Variants in RO60 observed in about 807,000 individuals in gnomAD.
The protein encoded by RO60 is Ro60, Y RNA binding protein.
Under a neutral mutation model 55.3 loss-of-function variants are expected in RO60, and 20 were observed. The ratio of observed to expected loss-of-function variants is 0.36; its 90% CI spans 0.25 to 0.53. RO60 has a LOEUF of 0.53. Ranked by LOEUF, RO60 falls within the 20% of genes least tolerant of loss-of-function variation. RO60 has a pLI of 0.92. For missense variants in RO60, 558 were observed against 646.6 expected (o/e 0.86, Z 1.49); for synonymous variants, 213 against 213.6 (o/e 1.00, Z 0.02).
chr1:193,077,155 G>T, intron 5 of RO60, 105 bp downstream of exon 5: 1 of 1,161,664 alleles, frequency 8.6e-7, no homozygotes, highest in Non-Finnish European at 1.2e-6. Context: ...TTTTTAATTA[G>T]GTATTCATTT....
chr1:193,062,146 T>G (rs754115455), intron 1 of RO60, among the ~76,000 whole-genome samples: 7 of 152,182 alleles, frequency 4.6e-5, no homozygotes, highest in Non-Finnish European at 1.0e-4. Context: ...TAACTATATC[T>G]TTTTGTTGTT....
intron 1 of RO60, among the ~76,000 whole-genome samples, chr1:193,067,487 A>G (rs1673196952): frequency 1.3e-5 from 2 of 151,770 alleles, no homozygotes; most frequent in African/African-American, 4.8e-5. Context: ...GCCCGGCCCA[A>G]ATTTTTTTTT....
chr1:193,065,936 C>T (rs1162362391), intron 1 of RO60, among the ~76,000 whole-genome samples: 1 of 152,138 alleles, frequency 6.6e-6, no homozygotes, highest in Admixed American at 6.5e-5. Flanking sequence ...TCTTCATTCT[C>T]CCATGCACTT....
intron 2 of RO60, among the ~76,000 whole-genome samples, chr1:193,074,088 AG>A (rs1157365376): frequency 2.0e-5 from 3 of 152,198 alleles, no homozygotes; most frequent in Non-Finnish European, 4.4e-5. Context: ...ATGGCTGCAT[AG>A]TATTCCATGG....
At chr1:193,079,263 A>G (rs1157534656) in intron 5 of RO60, among the ~76,000 whole-genome samples, 1 of 151,682 alleles carries the variant, frequency 6.6e-6, no homozygotes, top group Non-Finnish European at 1.5e-5. Flanking sequence ...AATTTATTCC[A>G]TTTTTAGTAG....
intron 1 of RO60, among the ~76,000 whole-genome samples, chr1:193,061,707 G>A (rs1462645493): frequency 1.3e-5 from 2 of 152,218 alleles, no homozygotes; most frequent in East Asian, 1.9e-4. Flanking sequence ...ATGCTTGGCC[G>A]GGCACCGTGG....
rs1409958494 is a variant in RO60 at position 193,069,210 on chromosome 1, G to C, written c.156G>C (p.Lys52Asn). 2 of 1,614,230 alleles carry C rather than the reference G, an allele frequency of 1.2e-6. No individual in the cohort carries two copies. The highest frequency in any genetic ancestry group is 1.7e-5 in the Admixed American group (1 of 60,028). The change falls in exon 2 of 9, where the codon AAG becomes AAC. Residue 52 changes from lysine to asparagine, a missense_variant. Coordinates refer to ENST00000400968, the MANE Select transcript of RO60 (RefSeq NM_001173524.2). ...EGGTYYIKEQ[K>N]LGLENAEALI... is the part of the protein sequence containing the mutation. ...GGACTTATTATATCAAAGAACAGAAGTTGGGCCTTGAAAATGCTGAAGCTT... is the reference window on the plus strand; with the variant it reads ...GGACTTATTATATCAAAGAACAGAACTTGGGCCTTGAAAATGCTGAAGCTT...
At position 193,088,477 on chromosome 1, in the gene RO60, C is replaced by T. The variant is rs1169052276; in HGVS notation, c.*3746C>T. 1.3e-5 allele frequency: 2 copies of T among 151,670 alleles called. No homozygotes were observed. The highest frequency in any genetic ancestry group is 4.8e-5 in the African/African-American group (2 of 41,284). 9.4% of individuals were successfully genotyped at this position (151,670 alleles called of 1,614,324 possible). A position where few individuals can be genotyped will look rare whatever the true frequency, so the allele number is the denominator to read the frequency against. ...TTCTTGAATAAATCTGAAGGTCTCA[C>T]AATTAAGTGAGAAACACCTTTAAAA... On this transcript the variant is annotated 3_prime_UTR_variant, in exon 9 of 9. Transcript: ENST00000400968.
At chr1:193,080,721 A>T (rs1437830364) in intron 5 of RO60, among the ~76,000 whole-genome samples, 1 of 152,222 alleles carries the variant, frequency 6.6e-6, no homozygotes, top group Non-Finnish European at 1.5e-5. Flanking sequence ...CACCATGGAT[A>T]AATCTCGAAA....
chr1:193,079,178 C>T (rs140706700), intron 5 of RO60, among the ~76,000 whole-genome samples: 1 of 149,372 alleles, frequency 6.7e-6, no homozygotes, highest in African/African-American at 2.5e-5. Flanking sequence ...ACCTCCGCCT[C>T]CTGGGTTCAA....
chr1:193,066,319 T>C (rs1208978801), intron 1 of RO60, among the ~76,000 whole-genome samples: 1 of 152,226 alleles, frequency 6.6e-6, no homozygotes. Context: ...AGTCCCATCC[T>C]CTTTTACTTT....
Position 193,075,933 on chromosome 1 carries a change from G to C in RO60, c.694G>C (p.Val232Leu). Reference sequence around the variant, plus strand: ...AAAATTATTAAAGTATCTGGAGGCTGTAGAGAAAGTGAAGCGCACAAGAGA... The same window carrying C: ...AAAATTATTAAAGTATCTGGAGGCTCTAGAGAAAGTGAAGCGCACAAGAGA... ...TEKLLKYLEA[V>L]EKVKRTRDEL... The change falls in exon 3 of 9, where the codon GTA becomes CTA. Residue 232 changes from valine (V) to leucine (L), a missense_variant. Transcript: ENST00000400968. 6.2e-7 allele frequency: 1 copy of C among 1,613,290 alleles called. No homozygotes were observed. The highest frequency in any genetic ancestry group is 1.3e-5 in the African/African-American group (1 of 75,002).
intron 2 of RO60, among the ~76,000 whole-genome samples, chr1:193,074,944 C>T (rs963683861): frequency 3.3e-4 from 50 of 152,254 alleles, no homozygotes; most frequent in African/African-American, 9.6e-4. Flanking sequence ...TTTCAGCTTT[C>T]GAGATGGAGT....
At position 193,090,384 on chromosome 1, in the gene RO60, A is replaced by G. The variant is rs549254038; in HGVS notation, c.*5653A>G. On this transcript the variant is annotated 3_prime_UTR_variant, in exon 9 of 9. Coordinates refer to ENST00000400968, the MANE Select transcript of RO60 (RefSeq NM_001173524.2). ...TACGTAGCCAAATTAGATTTAAAAT[A>G]TACAATTAATGAATAGTACTCAAAG... 2 of 152,088 alleles carry G rather than the reference A, an allele frequency of 1.3e-5. No individual in the cohort carries two copies. The highest frequency in any genetic ancestry group is 4.1e-4 in the South Asian group (2 of 4,820). The allele number at this position is 152,088 out of a possible 1,614,324, so 9.4% of individuals were successfully genotyped here. A position where few individuals can be genotyped will look rare whatever the true frequency, so the allele number is the denominator to read the frequency against.
intron 8 of RO60, among the ~76,000 whole-genome samples, chr1:193,083,136 G>A (rs942703331): frequency 1.3e-5 from 2 of 152,138 alleles, no homozygotes; most frequent in African/African-American, 4.8e-5. Context: ...GTCCGTTATA[G>A]ACTCAGCAGT....
intron 3 of RO60, 94 bp from the exon 4 acceptor site, chr1:193,076,407 A>ACT (rs1270695045): frequency 7.4e-7 from 1 of 1,343,658 alleles, no homozygotes; most frequent in Non-Finnish European, 1.0e-6. Flanking sequence ...TGAAAGCCTC[A>ACT]GAGACTGTAT....
intron 5 of RO60, among the ~76,000 whole-genome samples, chr1:193,079,874 C>G (rs555410264): frequency 3.3e-5 from 5 of 151,838 alleles, no homozygotes; most frequent in Non-Finnish European, 7.4e-5. Context: ...CGCCTGTAAT[C>G]CCAGCACTTT....
chr1:193,076,458 T>C (rs1470968662), intron 3 of RO60, 43 bp from the exon 4 acceptor site: 8 of 1,592,960 alleles, frequency 5.0e-6, no homozygotes, highest in Non-Finnish European at 6.8e-6. Context: ...ACTGATTTAT[T>C]TTCCCTTAAT....
At chr1:193,077,082 G>C in intron 5 of RO60, 32 bp downstream of exon 5, 2 of 1,568,846 alleles carry the variant, frequency 1.3e-6, no homozygotes, top group Non-Finnish European at 1.7e-6. Context: ...TAAAACAAAT[G>C]ACTGAAGACT....
Sources: gnomAD v4.1 joint callset for allele counts (sites outside exome capture counted in the v4.1 genomes callset) on GRCh38, gnomAD v4.1.1 for gene constraint, MANE v1.5 for transcripts, NCBI Gene and HGNC (gene_info 2026-07-23, HGNC 2026-07-21) for gene names.